Variants in PLS1 observed in about 807,000 individuals in gnomAD.
The protein encoded by PLS1 is plastin-1.
Under a neutral mutation model 73.7 loss-of-function variants are expected in PLS1, and 32 were observed. The ratio of observed to expected loss-of-function variants is 0.43; its 90% CI spans 0.33 to 0.58. The LOEUF is 0.58. Ranked by LOEUF, PLS1 falls within the 20% of genes least tolerant of loss-of-function variation. PLS1 has a pLI of 0.04. For missense variants in PLS1, 633 were observed against 740.5 expected (o/e 0.85, Z 1.68); for synonymous variants, 217 against 261.3 (o/e 0.83, Z 1.63).
chr3:142,647,526 G>A (rs1408693842), intron 1 of PLS1, among the ~76,000 whole-genome samples: 3 of 138,708 alleles, frequency 2.2e-5, no homozygotes, highest in Admixed American at 7.5e-5. Flanking sequence ...TTCTTGAGAC[G>A]GAGTCTCGCA....
rs750067280 is a variant in PLS1, at chr3:142,697,975, A to G, written c.1279A>G (p.Ile427Val). 7 of 1,612,098 alleles carry G rather than the reference A, an allele frequency of 4.3e-6. No homozygotes were observed. The Admixed American group carries it at 6.7e-5, about 15-fold the overall frequency. The change falls in exon 12 of 16, where the codon ATC (isoleucine) becomes GTC (valine). Residue 427 changes from isoleucine to valine, a missense_variant. By Grantham distance (29) the Ile-to-Val change is conservative. Coordinates refer to ENST00000457734, the MANE Select transcript of PLS1 (RefSeq NM_001145319.2). ...CAGTGACCTTGCAGATGCTTTAGTG[A>G]TCTTTCAGCTCTATGAGATGATCCG... ...LYSDLADALV[I>V]FQLYEMIRVP...
intron 1 of PLS1, among the ~76,000 whole-genome samples, chr3:142,663,708 G>C (rs908205110): frequency 1.4e-5 from 2 of 139,626 alleles, no homozygotes; most frequent in African/African-American, 6.8e-5. Flanking sequence ...ATGGGGTAGG[G>C]GAAAGAATGT....
Position 142,713,165 on chromosome 3 carries a change from G to GCTA in PLS1, c.*1160_*1162dup, listed in dbSNP as rs367995120. 1.7e-3 allele frequency: 261 copies of GCTA among 152,664 alleles called. No homozygotes were observed. The highest frequency in any genetic ancestry group is 6.1e-3 in the African/African-American group (254 of 41,556). 9.5% of individuals were successfully genotyped at this position (152,664 alleles called of 1,614,324 possible). On this transcript the variant is annotated 3_prime_UTR_variant, in exon 16 of 16. Coordinates refer to ENST00000457734, the MANE Select transcript of PLS1 (RefSeq NM_001145319.2). The stretch of plus-strand genomic sequence containing the variant: ...TTAATGTTTGTATTACTTGGAAATC[G>GCTA]CTACAGCTTGGACTATTTTTTTCTA...
At chr3:142,623,871 C>T (rs905610999) in intron 1 of PLS1, among the ~76,000 whole-genome samples, 43 of 151,940 alleles carry the variant, frequency 2.8e-4, no homozygotes, top group African/African-American at 1.0e-3. Flanking sequence ...ACTCATAATT[C>T]TTGATTGGGC....
chr3:142,644,336 G>A (rs982594490), intron 1 of PLS1, among the ~76,000 whole-genome samples: 10 of 151,622 alleles, frequency 6.6e-5, no homozygotes, highest in Admixed American at 5.9e-4. Context: ...CTGCAGCCTC[G>A]ACTTCCCAGG....
At chr3:142,623,404 A>G (rs2036354189) in intron 1 of PLS1, 1 of 152,190 alleles carries the variant, frequency 6.6e-6, no homozygotes, top group Non-Finnish European at 1.5e-5. Flanking sequence ...TAATATCTGT[A>G]GTAATAGGCA....
chr3:142,695,729 G>T (rs1490778966), intron 11 of PLS1, among the ~76,000 whole-genome samples: 1 of 151,994 alleles, frequency 6.6e-6, no homozygotes, highest in Admixed American at 6.6e-5. Flanking sequence ...TGTAGCCTGG[G>T]TAGTAGGAGT....
At chr3:142,664,625 G>T (rs1450758906) in intron 2 of PLS1, among the ~76,000 whole-genome samples, 1 of 152,126 alleles carries the variant, frequency 6.6e-6, no homozygotes, top group Non-Finnish European at 1.5e-5. Flanking sequence ...ATACTTCCTT[G>T]TGTATAAACT....
intron 1 of PLS1, among the ~76,000 whole-genome samples, chr3:142,610,120 C>T (rs191214152): frequency 2.7e-4 from 41 of 152,286 alleles, no homozygotes; most frequent in African/African-American, 9.1e-4. Context: ...CCATCCGCCT[C>T]GGCCTCCCAC....
chr3:142,653,360 G>C (rs1052421169), intron 1 of PLS1, among the ~76,000 whole-genome samples: 8 of 125,980 alleles, frequency 6.4e-5, no homozygotes, highest in Non-Finnish European at 1.2e-4. Context: ...AATTAGGTCA[G>C]AAACTTTTTT....
At chr3:142,664,016 T>C (rs2037426535) in intron 1 of PLS1, 186 bp from the exon 2 acceptor site, 2 of 305,026 alleles carry the variant, frequency 6.6e-6, no homozygotes, top group African/African-American at 2.2e-5. Context: ...CCTTACTGAG[T>C]CTCAGTTATA....
chr3:142,661,701 A>G lies in PLS1; in HGVS notation c.-36-2501A>G, dbSNP rs2037375488. Among the ~76,000 whole-genome samples the G allele has an allele frequency of 2.0e-5, 3 of 152,208 alleles. No individual in the cohort carries two copies. The South Asian group carries it at 6.2e-4, about 31-fold the overall frequency. On this transcript the variant is annotated intron_variant, in intron 1 of 15. Coordinates refer to ENST00000457734, the MANE Select transcript of PLS1 (RefSeq NM_001145319.2). ...AAAAGAGGATTTTCCACTTAGCTTC[A>G]ATTCCTATTGTTTTATAAAGCACTT...
chr3:142,692,374 A>G (rs76760735), intron 10 of PLS1, among the ~76,000 whole-genome samples: 3,374 of 152,226 alleles, frequency 0.022, 138 homozygotes, highest in African/African-American at 0.077. Context: ...CTAGGGGGAA[A>G]AAAAGGTTTT....
intron 6 of PLS1, among the ~76,000 whole-genome samples, chr3:142,682,844 T>A (rs1053677484): frequency 6.6e-6 from 1 of 152,248 alleles, no homozygotes; most frequent in Non-Finnish European, 1.5e-5. Context: ...AAAGTATTTG[T>A]AATTTGCTGT....
At chr3:142,630,748 T>C (rs988520031) in intron 1 of PLS1, among the ~76,000 whole-genome samples, 21 of 151,118 alleles carry the variant, frequency 1.4e-4, no homozygotes, top group African/African-American at 4.1e-4. Flanking sequence ...CAAAACTCTG[T>C]CTCAAAAAAG....
At chr3:142,657,567 A>G (rs1442282101) in intron 1 of PLS1, among the ~76,000 whole-genome samples, 1 of 152,118 alleles carries the variant, frequency 6.6e-6, no homozygotes, top group African/African-American at 2.4e-5. Flanking sequence ...TGCTTGCTGC[A>G]ACCTCCCCAC....
At chr3:142,650,211 CTTTTTTTT>C (rs1171297517) in intron 1 of PLS1, among the ~76,000 whole-genome samples, 5 of 70,872 alleles carry the variant, frequency 7.1e-5, no homozygotes, top group South Asian at 1.2e-3. Context: ...GCTTCTTCTT[CTTTTTTTT>C]TTTTTTTTTT....
chr3:142,641,170 A>C (rs2036825962), intron 1 of PLS1, among the ~76,000 whole-genome samples: 1 of 144,446 alleles, frequency 6.9e-6, no homozygotes, highest in Non-Finnish European at 1.5e-5. Context: ...ATATATATAT[A>C]TATATTATAT....
intron 2 of PLS1, among the ~76,000 whole-genome samples, chr3:142,667,408 C>T (rs560016607): frequency 5.3e-5 from 8 of 151,504 alleles, no homozygotes; most frequent in Admixed American, 1.3e-4. Flanking sequence ...AGCGAGACTC[C>T]GACTCAAAAA....
Sources: gnomAD v4.1 joint callset for allele counts (sites outside exome capture counted in the v4.1 genomes callset) on GRCh38, gnomAD v4.1.1 for gene constraint, MANE v1.5 for transcripts, NCBI Gene and HGNC (gene_info 2026-07-23, HGNC 2026-07-21) for gene names.